Variants in DHTKD1 observed in about 807,000 individuals in gnomAD.
DHTKD1 encodes the protein 2-oxoadipate dehydrogenase complex component E1.
Under a neutral mutation model 101.8 loss-of-function variants are expected in DHTKD1, and 78 were observed. That is an observed-to-expected ratio of 0.77 (90% CI 0.64 to 0.93). DHTKD1 has a LOEUF of 0.93. Among genes scored for constraint, DHTKD1 ranks in the 40% least tolerant of loss-of-function variants. The pLI is 0.00. For synonymous variants in DHTKD1, 462 were observed against 450.3 expected, an observed-to-expected ratio of 1.03 and a Z score of -0.33; for missense variants, 1,223 against 1,161.7, an observed-to-expected ratio of 1.05 and a Z score of -0.77.
At chr10:12,075,083 C>T (rs1832705307) in intron 1 of DHTKD1, among the ~76,000 whole-genome samples, 1 of 152,118 alleles carries the variant, frequency 6.6e-6, no homozygotes, top group African/African-American at 2.4e-5. Context: ...TGTACTCCGG[C>T]CTGTGTGACA....
Position 12,100,160 on chromosome 10 carries a change from T to C in DHTKD1, c.1672-18T>C. 1 of 1,484,190 alleles carries C rather than the reference T, an allele frequency of 6.7e-7. No homozygotes were observed. Among genetic ancestry groups the C allele is most frequent in the Non-Finnish European group, 9.1e-7 (1 of 1,093,806 alleles). 91.9% of individuals were successfully genotyped at this position (1,484,190 alleles called of 1,614,324 possible). A position where few individuals can be genotyped will look rare whatever the true frequency, so the allele number is the denominator to read the frequency against. ...GACTCTTAGACGTTCCTTTTTTTTC[T>C]TCCTCTGAATTTTACAGTCCAGAAT... On this transcript the variant is annotated intron_variant, in intron 8 of 16. Coordinates refer to ENST00000263035, the MANE Select transcript of DHTKD1 (RefSeq NM_018706.7).
rs539470327 is a variant in DHTKD1, at chr10:12,087,471, T to C, written c.523-64T>C. On this transcript the variant is annotated intron_variant, in intron 3 of 16. Coordinates refer to ENST00000263035, the MANE Select transcript of DHTKD1 (RefSeq NM_018706.7). The surrounding 1 kb of genome is among the most constrained non-coding windows in gnomAD (Gnocchi z 5.2). ...CCATCTCACAACACACACAGACTTATCTGCCTTCCACTGGAGAAGCTGGCT... is the reference window on the plus strand; with the variant it reads ...CCATCTCACAACACACACAGACTTACCTGCCTTCCACTGGAGAAGCTGGCT... 5.2e-5 allele frequency: 75 copies of C among 1,439,952 alleles called. No individual in the cohort carries two copies. The South Asian group carries it at 7.3e-4, about 14-fold the overall frequency. The allele number at this position is 1,439,952 out of a possible 1,614,324, so 89.2% of individuals were successfully genotyped here.
At position 12,108,005 on chromosome 10, in the gene DHTKD1, G is replaced by A. The variant is rs145427732; in HGVS notation, c.2144G>A (p.Arg715His). 36 of 1,612,474 alleles carry A rather than the reference G, an allele frequency of 2.2e-5. No individual in the cohort carries two copies. The highest frequency in any genetic ancestry group is 6.7e-5 in the African/African-American group (5 of 74,992). The change falls in exon 12 of 17, where the codon CGT (arginine) becomes CAT (histidine). Residue 715 changes from arginine to histidine, a missense_variant. Coordinates refer to ENST00000263035, the MANE Select transcript of DHTKD1 (RefSeq NM_018706.7). ...GACCACTCATCCTGTCGAATAGAGC[G>A]TTTCCTGCAGGTAAGGGTAACGTCT... ...GPDHSSCRIE[R>H]FLQMCDSAEE...
In DHTKD1 at chr10:12,112,990, C is replaced by T; in HGVS notation, c.2245C>T (p.Leu749Phe). 1.2e-6 allele frequency: 2 copies of T among 1,613,946 alleles called. No individual in the cohort carries two copies. Among genetic ancestry groups the T allele is most frequent in the Non-Finnish European group, 1.7e-6 (2 of 1,179,936 alleles). ...PTTPAQYFHL[L>F]RRQMVRNFRK... ...AACTCCTGCACAGTATTTCCACTTGCTTAGGAGACAGATGGTCCGGAACTT... is the reference window on the plus strand; with the variant it reads ...AACTCCTGCACAGTATTTCCACTTGTTTAGGAGACAGATGGTCCGGAACTT... Residue 749 changes from leucine to phenylalanine, a missense_variant, in exon 13 of 17, where the codon CTT becomes TTT. Transcript: ENST00000263035.
At chr10:12,086,797 T>A (rs1832909490) in intron 3 of DHTKD1, among the ~76,000 whole-genome samples, 2 of 152,168 alleles carry the variant, frequency 1.3e-5, no homozygotes, top group African/African-American at 4.8e-5. Context: ...CTCAAGCAAT[T>A]CTCCTGCCTC....
chr10:12,096,067 C>T (rs559429881), intron 7 of DHTKD1, among the ~76,000 whole-genome samples: 1 of 152,014 alleles, frequency 6.6e-6, no homozygotes, highest in Non-Finnish European at 1.5e-5. Context: ...TCTTTTCTAA[C>T]GTGACTGCCA....
chr10:12,116,104 T>A, intron 13 of DHTKD1, among the ~76,000 whole-genome samples: 1 of 151,908 alleles, frequency 6.6e-6, no homozygotes, highest in Non-Finnish European at 1.5e-5. Flanking sequence ...CTCATTTTTG[T>A]ATTTTTAATA....
chr10:12,107,967 T>C lies in DHTKD1; in HGVS notation c.2106T>C (p.Asp702=), dbSNP rs759597069. Residue 702 remains aspartate, a synonymous_variant, in exon 12 of 17, where the codon GAT becomes GAC. Transcript: ENST00000263035. This position sits in a 1 kb window ranked among gnomAD's most constrained non-coding sequence, Gnocchi z 4.1. ...TCATCCTCCTTCCACATGGCTACGA[T>C]GGGGCTGGGCCAGACCACTCATCCT... ...GIVILLPHGY[D]GAGPDHSSCR... The C allele has an allele frequency of 1.9e-6, 3 of 1,613,914 alleles. No individual in the cohort carries two copies. Among genetic ancestry groups the C allele is most frequent in the Non-Finnish European group, 2.5e-6 (3 of 1,179,920 alleles).
intron 13 of DHTKD1, chr10:12,116,449 G>GGT (rs1229702652): frequency 6.6e-6 from 1 of 151,082 alleles, no homozygotes; most frequent in Non-Finnish European, 1.5e-5. Context: ...ATAGTGCAAT[G>GGT]GTGTGATCTC....
rs752596009 is a variant in DHTKD1, at chr10:12,107,893, C to T, written c.2048-16C>T. On this transcript the variant is annotated splice_polypyrimidine_tract_variant and intron_variant, in intron 11 of 16. Coordinates refer to ENST00000263035, the MANE Select transcript of DHTKD1 (RefSeq NM_018706.7). This position sits in a 1 kb window ranked among gnomAD's most constrained non-coding sequence, Gnocchi z 4.1. ...CGCTTCGTAGAGCTCTTACTCCCCA[C>T]GTGGTACTTTTCCAGGAGAGGCCAA... The T allele has an allele frequency of 3.9e-5, 60 of 1,553,778 alleles. No individual in the cohort carries two copies. The highest frequency in any genetic ancestry group is 4.9e-5 in the Non-Finnish European group (55 of 1,125,466).
chr10:12,094,328 A>G (rs1833036563), intron 7 of DHTKD1, 57 bp downstream of exon 7: 2 of 1,487,774 alleles, frequency 1.3e-6, no homozygotes, highest in Admixed American at 1.8e-5. Context: ...TACTATTATT[A>G]TTCTTTTGAG....
chr10:12,070,872 C>G (rs1832641495), intron 1 of DHTKD1, among the ~76,000 whole-genome samples: 1 of 152,202 alleles, frequency 6.6e-6, no homozygotes, highest in Admixed American at 6.6e-5. Flanking sequence ...CCTCATCTTT[C>G]TTCTTGGGCC....
rs1306503684 is a variant in DHTKD1, at chr10:12,097,849, C to T, written c.1524C>T (p.His508=). Residue 508 remains histidine, a synonymous_variant, in exon 8 of 17, where the codon CAC becomes CAT. Coordinates refer to ENST00000263035, the MANE Select transcript of DHTKD1 (RefSeq NM_018706.7). ...YRPPALNLQA[H]WQGLAQPEAQ... is the part of the protein sequence containing the mutation. ...CCCCTGCCCTGAACCTGCAGGCCCA[C>T]TGGCAGGGCCTGGCTCAGCCAGAAG... is the stretch of plus-strand genomic sequence containing the variant. The T allele has an allele frequency of 4.3e-6, 7 of 1,614,252 alleles. No individual in the cohort carries two copies. The South Asian group carries it at 4.4e-5, about 10-fold the overall frequency.
chr10:12,088,881 G>C, intron 4 of DHTKD1, 105 bp from the exon 5 acceptor site: 1 of 1,098,656 alleles, frequency 9.1e-7, no homozygotes, highest in Non-Finnish European at 1.3e-6. Flanking sequence ...CACCACTCCT[G>C]GCTTTAAATT....
At chr10:12,078,542 C>T (rs991282281) in intron 1 of DHTKD1, among the ~76,000 whole-genome samples, 4 of 152,034 alleles carry the variant, frequency 2.6e-5, no homozygotes, top group Non-Finnish European at 5.9e-5. Context: ...ACCCAAAAGG[C>T]GGAGGCTGCA....
At chr10:12,098,018 GGT>G (rs1190453023) in intron 8 of DHTKD1, 22 bp downstream of exon 8, 20 of 1,578,176 alleles carry the variant, frequency 1.3e-5, no homozygotes, top group Non-Finnish European at 1.7e-5. Context: ...CCAAATGGCT[GGT>G]TATTGCTTCT....
At chr10:12,106,488 C>T in intron 11 of DHTKD1, 92 bp downstream of exon 11, 2 of 1,504,332 alleles carry the variant, frequency 1.3e-6, no homozygotes, top group Non-Finnish European at 1.8e-6. Context: ...GCCACTGCTG[C>T]CTTGAGACTC....
intron 15 of DHTKD1, among the ~76,000 whole-genome samples, chr10:12,119,846 T>C (rs1833496531): frequency 6.6e-6 from 1 of 152,066 alleles, no homozygotes; most frequent in African/African-American, 2.4e-5. Flanking sequence ...AGAAAATGCA[T>C]TGAATACACC....
chr10:12,087,041 G>C lies in DHTKD1; in HGVS notation c.523-494G>C, dbSNP rs1391565415. On this transcript the variant is annotated intron_variant, in intron 3 of 16. Transcript: ENST00000263035. The surrounding 1 kb of genome is among the most constrained non-coding windows in gnomAD (Gnocchi z 5.2). ...TTAAGTTCAGAACTTAATCTGAGAT[G>C]ATCAAAAGATGACATGTGGAAGACA... is the stretch of plus-strand genomic sequence containing the variant. 6.6e-6 allele frequency among the ~76,000 whole-genome samples: 1 copy of C among 152,118 alleles called. No individual in the cohort carries two copies. The highest frequency in any genetic ancestry group is 1.5e-5 in the Non-Finnish European group (1 of 68,028).
Sources: allele counts gnomAD v4.1 joint callset (sites outside exome capture counted in the v4.1 genomes callset), GRCh38; gene constraint gnomAD v4.1.1; non-coding constraint Gnocchi (gnomAD v3.1); transcripts MANE v1.5; gene names NCBI Gene and HGNC (gene_info 2026-07-23, HGNC 2026-07-21).